The following CNTNAP2 variants were observed in gnomAD, a reference collection of about 807,000 sequenced individuals.
The protein encoded by CNTNAP2 is contactin associated protein 2.
In CNTNAP2, 98 loss-of-function variants were observed where a neutral mutation model predicts 155.2. That is an observed-to-expected ratio of 0.63 (90% CI 0.54 to 0.75). The LOEUF (loss-of-function observed/expected upper bound fraction) is 0.75. CNTNAP2 is among the 30% of genes least tolerant of loss of function. CNTNAP2 has a pLI of 0.00. For missense variants in CNTNAP2, 1,727 were observed against 1,688.1 expected (o/e 1.02, Z -0.40); for synonymous variants, 651 against 631.2 (o/e 1.03, Z -0.47).
intron 1 of CNTNAP2, among the ~76,000 whole-genome samples, chr7:146,720,231 C>A (rs1801261948): frequency 1.3e-5 from 2 of 152,034 alleles, no homozygotes; most frequent in Non-Finnish European, 2.9e-5. Flanking sequence ...TAGTTCTTAT[C>A]CCTATTGTCT....
At chr7:146,193,105 C>T (rs1437008883) in intron 1 of CNTNAP2, among the ~76,000 whole-genome samples, 1 of 152,250 alleles carries the variant, frequency 6.6e-6, no homozygotes, top group Non-Finnish European at 1.5e-5. Flanking sequence ...GACAGCTCCA[C>T]CCCTATGGCT....
At chr7:147,254,044 A>G (rs980379838) in intron 8 of CNTNAP2, among the ~76,000 whole-genome samples, 2 of 152,094 alleles carry the variant, frequency 1.3e-5, no homozygotes, top group Admixed American at 6.6e-5. Context: ...GTATCTCTGA[A>G]TTCCTGACCT....
chr7:148,214,375 A>G (rs1795601434), intron 18 of CNTNAP2, among the ~76,000 whole-genome samples: 1 of 152,148 alleles, frequency 6.6e-6, no homozygotes, highest in Non-Finnish European at 1.5e-5. Flanking sequence ...ACTGTATTGT[A>G]CTCACACTGT....
At chr7:146,455,539 A>G (rs866789264) in intron 1 of CNTNAP2, among the ~76,000 whole-genome samples, 1 of 152,214 alleles carries the variant, frequency 6.6e-6, no homozygotes, top group Non-Finnish European at 1.5e-5. Flanking sequence ...TTAAGGACAC[A>G]GGAGGCATCC....
At chr7:147,208,211 T>C (rs1803060358) in intron 8 of CNTNAP2, among the ~76,000 whole-genome samples, 1 of 152,052 alleles carries the variant, frequency 6.6e-6, no homozygotes, top group Non-Finnish European at 1.5e-5. Context: ...GAGTCCCAGG[T>C]GTTTTCCAGG....
chr7:147,505,073 T>G (rs1441281507), intron 11 of CNTNAP2, among the ~76,000 whole-genome samples: 1 of 152,076 alleles, frequency 6.6e-6, no homozygotes, highest in Non-Finnish European at 1.5e-5. Flanking sequence ...CACATAGATT[T>G]TCCCCGTTTC....
intron 10 of CNTNAP2, among the ~76,000 whole-genome samples, chr7:147,475,356 C>T (rs760052237): frequency 2.6e-5 from 4 of 152,080 alleles, no homozygotes; most frequent in Non-Finnish European, 4.4e-5. Context: ...AAGGCTTTTC[C>T]CATTAAATAT....
At chr7:147,862,298 A>G (rs1009567427) in intron 13 of CNTNAP2, among the ~76,000 whole-genome samples, 1 of 152,154 alleles carries the variant, frequency 6.6e-6, no homozygotes, top group Non-Finnish European at 1.5e-5. Flanking sequence ...TCAAATCACT[A>G]GTCATTTGCA....
chr7:147,423,930 CCT>C (rs1291225328), intron 10 of CNTNAP2, among the ~76,000 whole-genome samples: 3 of 152,160 alleles, frequency 2.0e-5, no homozygotes, highest in Admixed American at 1.3e-4. Flanking sequence ...TTTCTTTGCT[CCT>C]CTCTCTTTCC....
intron 4 of CNTNAP2, among the ~76,000 whole-genome samples, chr7:147,044,889 A>G (rs964877636): frequency 2.0e-5 from 3 of 152,000 alleles, no homozygotes; most frequent in Non-Finnish European, 4.4e-5. Context: ...TGTTTGGGCC[A>G]AGGTTGATGG....
chr7:147,240,733 T>C (rs2116636858), intron 8 of CNTNAP2, among the ~76,000 whole-genome samples: 1 of 152,338 alleles, frequency 6.6e-6, no homozygotes, highest in East Asian at 1.9e-4. Flanking sequence ...AGCAGAGTAC[T>C]GACATCATGT....
chr7:147,659,330 T>C (rs1795578511), intron 13 of CNTNAP2, among the ~76,000 whole-genome samples: 1 of 152,234 alleles, frequency 6.6e-6, no homozygotes, highest in Non-Finnish European at 1.5e-5. Flanking sequence ...TGGTAGCTTT[T>C]ATAGATATTT....
At chr7:148,261,486 C>T (rs1277520697) in intron 20 of CNTNAP2, among the ~76,000 whole-genome samples, 1 of 152,170 alleles carries the variant, frequency 6.6e-6, no homozygotes, top group Non-Finnish European at 1.5e-5. Context: ...GTGCCTTTAG[C>T]TCAAAATTGT....
intron 13 of CNTNAP2, among the ~76,000 whole-genome samples, chr7:147,677,644 G>A (rs1404215168): frequency 6.6e-6 from 1 of 151,600 alleles, no homozygotes; most frequent in Non-Finnish European, 1.5e-5. Context: ...GAGTTTCACA[G>A]TTTGGGGTCT....
chr7:147,904,489 T>G (rs545282721), intron 14 of CNTNAP2, among the ~76,000 whole-genome samples: 1 of 152,290 alleles, frequency 6.6e-6, no homozygotes, highest in Non-Finnish European at 1.5e-5. Context: ...TTTCTACATT[T>G]TTAGAAGTGT....
At chr7:147,105,601 A>G (rs1471023187) in intron 4 of CNTNAP2, among the ~76,000 whole-genome samples, 2 of 152,054 alleles carry the variant, frequency 1.3e-5, no homozygotes, top group South Asian at 4.1e-4. Context: ...TTTAAAGAGT[A>G]CATGGTATGT....
intron 14 of CNTNAP2, among the ~76,000 whole-genome samples, chr7:147,950,599 A>G (rs1800911333): frequency 6.6e-6 from 1 of 152,156 alleles, no homozygotes; most frequent in Admixed American, 6.5e-5. Flanking sequence ...ACACAAACAG[A>G]CTGGCACCCC....
At chr7:147,902,053 C>G (rs1404585847) in intron 13 of CNTNAP2, among the ~76,000 whole-genome samples, 1 of 152,178 alleles carries the variant, frequency 6.6e-6, no homozygotes, top group Non-Finnish European at 1.5e-5. Flanking sequence ...ACTTAGTTCA[C>G]AAAAAAGCAT....
chr7:146,671,692 C>T (rs1450374673), intron 1 of CNTNAP2, among the ~76,000 whole-genome samples: 1 of 152,038 alleles, frequency 6.6e-6, no homozygotes, highest in Non-Finnish European at 1.5e-5. Context: ...AATGCCTAAA[C>T]CAGAATAAAA....
Sources: gnomAD v4.1 joint callset for allele counts (sites outside exome capture counted in the v4.1 genomes callset) on GRCh38, gnomAD v4.1.1 for gene constraint, MANE v1.5 for transcripts, NCBI Gene and HGNC (gene_info 2026-07-23, HGNC 2026-07-21) for gene names.